GSTCD: variants seen among roughly 807,000 people sequenced by gnomAD.
The protein encoded by GSTCD is glutathione S-transferase C-terminal domain containing.
GSTCD carries 44 observed loss-of-function variants against 68.3 expected under a neutral mutation model. The ratio of observed to expected loss-of-function variants is 0.64; its 90% CI spans 0.51 to 0.83. The LOEUF is 0.83. Ranked by LOEUF, GSTCD falls within the 40% of genes least tolerant of loss-of-function variation. The probability of loss-of-function intolerance (pLI) is 0.00; values close to 1 mark genes in which losing one functional copy is unlikely to be tolerated. For synonymous variants in GSTCD, 273 were observed against 255.2 expected, an observed-to-expected ratio of 1.07 and a Z score of -0.67; for missense variants, 739 against 735.9, an observed-to-expected ratio of 1.00 and a Z score of -0.05.
rs1724554887 is a variant in GSTCD at position 105,846,596 on chromosome 4, G to C, written c.*1019G>C. 6.6e-6 allele frequency: 1 copy of C among 150,552 alleles called. No individual in the cohort carries two copies. Among genetic ancestry groups the C allele is most frequent in the Admixed American group, 6.6e-5 (1 of 15,134 alleles). The allele number at this position is 150,552 out of a possible 1,614,324, so 9.3% of individuals were successfully genotyped here. The stretch of plus-strand genomic sequence containing the variant: ...TAGTTTCTTTTCAATTCAAAGATGA[G>C]TTGCAAAAGACATAATGTTTTGCCT... On this transcript the variant is annotated 3_prime_UTR_variant, in exon 12 of 12. Coordinates refer to ENST00000515279, the MANE Select transcript of GSTCD (RefSeq NM_001370181.1).
At chr4:105,734,125 T>C (rs1272978420) in intron 5 of GSTCD, among the ~76,000 whole-genome samples, 1 of 152,230 alleles carries the variant, frequency 6.6e-6, no homozygotes, top group Non-Finnish European at 1.5e-5. Flanking sequence ...TAACATTTTT[T>C]CCTTCATTTC....
At chr4:105,788,499 C>T (rs1027706809) in intron 5 of GSTCD, among the ~76,000 whole-genome samples, 1 of 151,982 alleles carries the variant, frequency 6.6e-6, no homozygotes, top group African/African-American at 2.4e-5. Context: ...CTACTTAACC[C>T]ATTTATTCTT....
At chr4:105,819,482 C>T (rs917774029) in intron 5 of GSTCD, among the ~76,000 whole-genome samples, 12 of 151,706 alleles carry the variant, frequency 7.9e-5, no homozygotes, top group Non-Finnish European at 1.5e-4. Context: ...TGTTGAGATG[C>T]GTCCTCTGCA....
intron 5 of GSTCD, among the ~76,000 whole-genome samples, chr4:105,794,049 T>G (rs1170346166): frequency 6.6e-6 from 1 of 152,136 alleles, no homozygotes; most frequent in Non-Finnish European, 1.5e-5. Flanking sequence ...CAAAAACTAT[T>G]TGTTTTTAAT....
chr4:105,831,938 A>AAAAT (rs1159740647), intron 8 of GSTCD, among the ~76,000 whole-genome samples: 3 of 152,280 alleles, frequency 2.0e-5, no homozygotes, highest in East Asian at 3.9e-4. Context: ...CTGCATCTCA[A>AAAAT]AAATAAATAA....
intron 2 of GSTCD, 41 bp downstream of exon 2, chr4:105,718,080 G>A (rs1732739450): frequency 6.9e-7 from 1 of 1,449,648 alleles, no homozygotes; most frequent in Non-Finnish European, 9.3e-7. Context: ...AAGCTACACA[G>A]TGATAACATA....
chr4:105,781,316 A>G lies in GSTCD; in HGVS notation c.1241-41638A>G, dbSNP rs183321424. ...CAGGCTGGAATGCAGTGGCACAATT[A>G]TAGCTCACTGTAGCCTCAAACTCCT... On this transcript the variant is annotated intron_variant, in intron 5 of 11. Coordinates refer to ENST00000515279, the MANE Select transcript of GSTCD (RefSeq NM_001370181.1). Among the ~76,000 whole-genome samples, 7 of 152,046 alleles carry G rather than the reference A, an allele frequency of 4.6e-5. No individual in the cohort carries two copies. In the East Asian group the frequency reaches 1.4e-3, roughly 29 times the overall value.
At chr4:105,839,451 A>G (rs1459534811) in intron 10 of GSTCD, among the ~76,000 whole-genome samples, 2 of 152,226 alleles carry the variant, frequency 1.3e-5, no homozygotes, top group South Asian at 2.1e-4. Context: ...CCTGACCAAC[A>G]TGGTGAAACC....
At chr4:105,722,673 C>G (rs1732894049) in intron 3 of GSTCD, among the ~76,000 whole-genome samples, 1 of 151,858 alleles carries the variant, frequency 6.6e-6, no homozygotes, top group South Asian at 2.1e-4. Flanking sequence ...ACAAATTTTT[C>G]TGCCCTTTAT....
intron 5 of GSTCD, among the ~76,000 whole-genome samples, chr4:105,753,671 C>T (rs1734082764): frequency 1.3e-5 from 2 of 151,878 alleles, no homozygotes; most frequent in Admixed American, 6.6e-5. Context: ...CTTGAGCATT[C>T]GTAGATTTTA....
At chr4:105,793,968 TA>T (rs1358760857) in intron 5 of GSTCD, among the ~76,000 whole-genome samples, 3 of 152,060 alleles carry the variant, frequency 2.0e-5, no homozygotes, top group Non-Finnish European at 2.9e-5. Context: ...TTTGAGAACA[TA>T]TGTTATATTC....
chr4:105,729,837 G>C (rs181752953), intron 5 of GSTCD, among the ~76,000 whole-genome samples: 93 of 152,234 alleles, frequency 6.1e-4, no homozygotes, highest in African/African-American at 2.2e-3. Flanking sequence ...TTGGTGTGCT[G>C]CACCCATTAA....
chr4:105,733,126 A>G (rs776499701), intron 5 of GSTCD, among the ~76,000 whole-genome samples: 1 of 152,124 alleles, frequency 6.6e-6, no homozygotes, highest in African/African-American at 2.4e-5. Context: ...TCAATTTTGG[A>G]ATAAGTGTGG....
At chr4:105,802,832 A>G (rs1023875012) in intron 5 of GSTCD, among the ~76,000 whole-genome samples, 3 of 152,146 alleles carry the variant, frequency 2.0e-5, no homozygotes, top group Non-Finnish European at 4.4e-5. Context: ...CCACATTGCT[A>G]TAAAGATTGT....
In GSTCD at chr4:105,787,220, G is replaced by A. The variant is rs141809570; in HGVS notation, c.1241-35734G>A. Among the ~76,000 whole-genome samples, 505 of 152,170 alleles carry A rather than the reference G, an allele frequency of 3.3e-3. 7 individuals carry two copies. Among genetic ancestry groups the A allele is most frequent in the African/African-American group, 0.011 (474 of 41,438 alleles). On this transcript the variant is annotated intron_variant, in intron 5 of 11. Transcript: ENST00000515279. The stretch of plus-strand genomic sequence containing the variant: ...ACTTTCCATGCATGAGGTTCAACAA[G>A]GTGTTTGTTAAAGATTTCCAGGCCC...
intron 9 of GSTCD, among the ~76,000 whole-genome samples, chr4:105,837,009 A>G (rs1011557619): frequency 6.6e-6 from 1 of 152,226 alleles, no homozygotes; most frequent in Admixed American, 6.5e-5. Flanking sequence ...AGGTTATAGC[A>G]TTAATAAAAG....
chr4:105,781,049 A>G (rs2149249420), intron 5 of GSTCD, among the ~76,000 whole-genome samples: 1 of 152,346 alleles, frequency 6.6e-6, no homozygotes, highest in East Asian at 1.9e-4. Flanking sequence ...AGCTTGGAGA[A>G]TCATAATATT....
intron 5 of GSTCD, among the ~76,000 whole-genome samples, chr4:105,809,359 A>G (rs1372234231): frequency 4.6e-5 from 7 of 152,016 alleles, no homozygotes; most frequent in African/African-American, 1.7e-4. Context: ...ATCCCCAAGG[A>G]TAAGGGGAGA....
At chr4:105,721,819 A>C (rs570380444) in intron 3 of GSTCD, among the ~76,000 whole-genome samples, 1 of 152,254 alleles carries the variant, frequency 6.6e-6, no homozygotes, top group Non-Finnish European at 1.5e-5. Flanking sequence ...CTCCTCTGAA[A>C]AGTCTTAGAA....
Sources: gnomAD v4.1 joint callset for allele counts (sites outside exome capture counted in the v4.1 genomes callset) on GRCh38, gnomAD v4.1.1 for gene constraint, MANE v1.5 for transcripts, NCBI Gene and HGNC (gene_info 2026-07-23, HGNC 2026-07-21) for gene names.